CNTNAP5: variants seen among roughly 807,000 people sequenced by gnomAD.
The protein encoded by CNTNAP5 is contactin-associated protein-like 5.
A neutral mutation model predicts 150.2 loss-of-function variants in CNTNAP5; 72 were observed. That is an observed-to-expected ratio of 0.48 (90% CI 0.40 to 0.58). The LOEUF (loss-of-function observed/expected upper bound fraction) is 0.58, where lower values mean the gene tolerates loss of function less well. CNTNAP5 is among the 20% of genes least tolerant of loss of function. The probability of loss-of-function intolerance (pLI) is 0.00; values close to 1 mark genes in which losing one functional copy is unlikely to be tolerated. For missense variants in CNTNAP5, 1,636 were observed against 1,626.2 expected, an observed-to-expected ratio of 1.01 and a Z score of -0.10; for synonymous variants, 672 against 619.8, an observed-to-expected ratio of 1.08 and a Z score of -1.25.
intron 7 of CNTNAP5, among the ~76,000 whole-genome samples, chr2:124,484,369 A>G (rs566308878): frequency 3.9e-5 from 6 of 152,322 alleles, no homozygotes; most frequent in African/African-American, 7.2e-5. Context: ...GGAAATATAT[A>G]TGGATGAAGG....
At chr2:124,428,712 A>T (rs1479764870) in intron 4 of CNTNAP5, among the ~76,000 whole-genome samples, 1 of 152,020 alleles carries the variant, frequency 6.6e-6, no homozygotes, top group Non-Finnish European at 1.5e-5. Context: ...TACTTTACAA[A>T]TGGGGAAAAA....
chr2:124,635,169 C>G (rs919610985), intron 12 of CNTNAP5, among the ~76,000 whole-genome samples: 4 of 152,046 alleles, frequency 2.6e-5, no homozygotes, highest in Non-Finnish European at 5.9e-5. Context: ...TCTGGGGAGG[C>G]CTCGGGAAAC....
At chr2:124,181,374 C>T (rs971438121) in intron 1 of CNTNAP5, among the ~76,000 whole-genome samples, 2 of 151,806 alleles carry the variant, frequency 1.3e-5, no homozygotes, top group African/African-American at 2.4e-5. Context: ...CAAGCTGTAG[C>T]AACATAGTAT....
chr2:124,233,041 G>GTT (rs10716079), intron 2 of CNTNAP5, among the ~76,000 whole-genome samples: 68 of 145,402 alleles, frequency 4.7e-4, no homozygotes, highest in Admixed American at 4.0e-3. Context: ...GTATCTGTGG[G>GTT]TTTTTTTTTT....
At chr2:124,658,052 AG>A (rs1271920003) in intron 13 of CNTNAP5, among the ~76,000 whole-genome samples, 7 of 152,208 alleles carry the variant, frequency 4.6e-5, no homozygotes, top group African/African-American at 1.7e-4. Flanking sequence ...TGCTTAGAAT[AG>A]TACCTGGCAC....
At chr2:124,177,241 G>A (rs547200807) in intron 1 of CNTNAP5, among the ~76,000 whole-genome samples, 7 of 152,240 alleles carry the variant, frequency 4.6e-5, no homozygotes, top group Admixed American at 2.0e-4. Context: ...TGGGAAAAAG[G>A]GGTTTTAGCT....
chr2:124,266,130 T>C (rs1279896055), intron 3 of CNTNAP5, among the ~76,000 whole-genome samples: 2 of 152,120 alleles, frequency 1.3e-5, no homozygotes, highest in Non-Finnish European at 2.9e-5. Context: ...ATAAGACTGA[T>C]GATATGTTAA....
intron 1 of CNTNAP5, among the ~76,000 whole-genome samples, chr2:124,188,769 A>G (rs1558793164): frequency 6.6e-6 from 1 of 151,322 alleles, no homozygotes; most frequent in East Asian, 1.9e-4. Flanking sequence ...GAGAGAGAGA[A>G]AGAGAGAGAG....
At chr2:124,885,067 A>G (rs1252214400) in intron 21 of CNTNAP5, among the ~76,000 whole-genome samples, 2 of 152,012 alleles carry the variant, frequency 1.3e-5, no homozygotes, top group Admixed American at 1.3e-4. Flanking sequence ...TTTATTGCAC[A>G]GAATTGGTTC....
At chr2:124,639,110 T>C (rs1398329554) in intron 12 of CNTNAP5, among the ~76,000 whole-genome samples, 2 of 152,182 alleles carry the variant, frequency 1.3e-5, no homozygotes, top group Admixed American at 1.3e-4. Flanking sequence ...TAGTAGTAAG[T>C]GAATACCTAC....
intron 19 of CNTNAP5, among the ~76,000 whole-genome samples, chr2:124,809,316 A>G (rs1258621167): frequency 1.3e-5 from 2 of 152,160 alleles, no homozygotes; most frequent in African/African-American, 2.4e-5. Context: ...GACACAAGAA[A>G]CATCAACAAC....
At position 124,261,150 on chromosome 2, in the gene CNTNAP5, C is replaced by T. The variant is rs147099192; in HGVS notation, c.381+18757C>T. On this transcript the variant is annotated intron_variant, in intron 3 of 23. Coordinates refer to ENST00000682447, the MANE Select transcript of CNTNAP5 (RefSeq NM_001367498.1). ...GATACATATCAATATCAATGATAGC[C>T]CACATAAATGAAGGCCATGTTCATC... Among the ~76,000 whole-genome samples, 362 of 152,104 alleles carry T rather than the reference C, an allele frequency of 2.4e-3. 3 individuals carry two copies. The highest frequency in any genetic ancestry group is 8.3e-3 in the African/African-American group (344 of 41,482).
chr2:124,387,467 C>G (rs999064541), intron 3 of CNTNAP5, among the ~76,000 whole-genome samples: 5 of 152,070 alleles, frequency 3.3e-5, no homozygotes, highest in Admixed American at 3.3e-4. Context: ...AGAGAGTCAG[C>G]GAAGGGAGAT....
At position 124,920,630 on chromosome 2, in the gene CNTNAP5, A is replaced by G. The variant is rs141444326; in HGVS notation, c.*6342A>G. On this transcript the variant is annotated 3_prime_UTR_variant, in exon 24 of 24. Coordinates refer to ENST00000682447, the MANE Select transcript of CNTNAP5 (RefSeq NM_001367498.1). ...CTCCTGATATCCTGTGTTGCCTTGG[A>G]CTAACATTTTCCTTAGTCACTAGCC... is the stretch of plus-strand genomic sequence containing the variant. Among the ~76,000 whole-genome samples the G allele has an allele frequency of 2.0e-5, 3 of 152,102 alleles. No homozygotes were observed. The highest frequency in any genetic ancestry group is 4.4e-5 in the Non-Finnish European group (3 of 68,018).
At chr2:124,831,757 A>G (rs1251639744) in intron 19 of CNTNAP5, among the ~76,000 whole-genome samples, 2 of 151,528 alleles carry the variant, frequency 1.3e-5, no homozygotes, top group African/African-American at 4.8e-5. Context: ...TTAATTTAAC[A>G]TAACTTTAAT....
chr2:124,309,494 C>T (rs572048630), intron 3 of CNTNAP5, among the ~76,000 whole-genome samples: 17 of 151,536 alleles, frequency 1.1e-4, no homozygotes, highest in Middle Eastern at 3.4e-3. Context: ...ATAAAGTCAC[C>T]TCTCTATTTT....
intron 13 of CNTNAP5, among the ~76,000 whole-genome samples, chr2:124,701,101 C>G (rs1469012153): frequency 1.3e-5 from 2 of 152,036 alleles, no homozygotes; most frequent in South Asian, 2.1e-4. Flanking sequence ...CCTTAGATCT[C>G]TAGACTTGGT....
intron 3 of CNTNAP5, among the ~76,000 whole-genome samples, chr2:124,372,839 C>T (rs1022634457): frequency 2.0e-5 from 3 of 151,954 alleles, no homozygotes; most frequent in Admixed American, 6.6e-5. Context: ...TAACACAGGA[C>T]GAAGCACTAA....
intron 14 of CNTNAP5, among the ~76,000 whole-genome samples, chr2:124,749,157 G>A (rs1680667935): frequency 6.6e-6 from 1 of 152,140 alleles, no homozygotes; most frequent in African/African-American, 2.4e-5. Flanking sequence ...TGGTTGTGCT[G>A]CCGTAAAACA....
Sources: gnomAD v4.1 joint callset for allele counts (sites outside exome capture counted in the v4.1 genomes callset) on GRCh38, gnomAD v4.1.1 for gene constraint, MANE v1.5 for transcripts, NCBI Gene and HGNC (gene_info 2026-07-23, HGNC 2026-07-21) for gene names.